The following PRKD1 variants were observed in gnomAD, a reference collection of about 807,000 sequenced individuals.
PRKD1 encodes the protein protein kinase D1.
A neutral mutation model predicts 95.9 loss-of-function variants in PRKD1; 63 were observed. The observed-to-expected ratio is 0.66, with a 90% confidence interval of 0.54 to 0.81. The LOEUF (loss-of-function observed/expected upper bound fraction) is 0.81, where lower values mean the gene tolerates loss of function less well. PRKD1 is among the 30% of genes least tolerant of loss of function. The pLI is 0.00. For synonymous variants in PRKD1, 425 were observed against 423.1 expected (o/e 1.00, Z -0.05); for missense variants, 1,048 against 1,165.3 (o/e 0.90, Z 1.47).
chr14:29,812,826 T>G (rs907459312), intron 1 of PRKD1, among the ~76,000 whole-genome samples: 2 of 152,156 alleles, frequency 1.3e-5, no homozygotes, highest in Non-Finnish European at 2.9e-5. Context: ...ATATCTAATC[T>G]AGCCAGGCAT....
chr14:29,620,324 T>A (rs1310618673), intron 13 of PRKD1, among the ~76,000 whole-genome samples: 2 of 151,480 alleles, frequency 1.3e-5, no homozygotes, highest in Admixed American at 1.3e-4. Context: ...AATTGACAAA[T>A]GGGATATAAT....
At chr14:29,791,009 C>G (rs1057247233) in intron 1 of PRKD1, among the ~76,000 whole-genome samples, 6 of 152,148 alleles carry the variant, frequency 3.9e-5, no homozygotes, top group Non-Finnish European at 7.4e-5. Flanking sequence ...AATCCATGGT[C>G]TGCTATTGTA....
chr14:29,919,176 T>C (rs1272859129), intron 1 of PRKD1, among the ~76,000 whole-genome samples: 1 of 152,212 alleles, frequency 6.6e-6, no homozygotes, highest in Non-Finnish European at 1.5e-5. Flanking sequence ...AAAATTCCTG[T>C]GTGATTGCAT....
intron 1 of PRKD1, among the ~76,000 whole-genome samples, chr14:29,788,873 G>A (rs960676899): frequency 1.3e-5 from 2 of 151,274 alleles, no homozygotes; most frequent in African/African-American, 4.9e-5. Flanking sequence ...GAGTTTCTTT[G>A]TTTTCTTTTA....
intron 1 of PRKD1, among the ~76,000 whole-genome samples, chr14:29,734,167 C>T (rs1277313487): frequency 3.3e-5 from 5 of 150,710 alleles, no homozygotes; most frequent in Non-Finnish European, 5.9e-5. Flanking sequence ...CTCAGCCTCC[C>T]GAGTAGCTGG....
intron 2 of PRKD1, among the ~76,000 whole-genome samples, chr14:29,719,917 G>T (rs528965530): frequency 5.3e-5 from 8 of 152,228 alleles, no homozygotes; most frequent in Middle Eastern, 3.4e-3. Flanking sequence ...AAAGTATTCC[G>T]TGAGAAAGTG....
At chr14:29,851,776 C>T (rs955932855) in intron 1 of PRKD1, among the ~76,000 whole-genome samples, 8 of 150,954 alleles carry the variant, frequency 5.3e-5, no homozygotes, top group South Asian at 2.1e-4. Flanking sequence ...AAGACACATA[C>T]ACTTATATGT....
intron 1 of PRKD1, among the ~76,000 whole-genome samples, chr14:29,869,437 CAAAAAGAAAAAAAA>C (rs1893026414): frequency 2.1e-5 from 3 of 141,744 alleles, no homozygotes; most frequent in African/African-American, 7.8e-5. Flanking sequence ...AACTCCATCT[CAAAAAGAAAAAAAA>C]AAAAAGAAGA....
intron 1 of PRKD1, among the ~76,000 whole-genome samples, chr14:29,863,419 G>A (rs1594585546): frequency 1.3e-5 from 2 of 152,220 alleles, no homozygotes; most frequent in East Asian, 1.9e-4. Flanking sequence ...CCTGGAGATC[G>A]AAATGAGCCA....
chr14:29,718,831 G>C (rs545850293), intron 2 of PRKD1, among the ~76,000 whole-genome samples: 296 of 152,170 alleles, frequency 1.9e-3, no homozygotes, highest in African/African-American at 6.8e-3. Flanking sequence ...AATTAATTCT[G>C]CCTTCTTAAA....
intron 1 of PRKD1, among the ~76,000 whole-genome samples, chr14:29,902,638 C>A (rs1380638605): frequency 2.0e-5 from 3 of 152,162 alleles, no homozygotes; most frequent in African/African-American, 7.2e-5. Flanking sequence ...AATAAACATT[C>A]ATTTAATCAT....
At chr14:29,884,773 C>T (rs1035180220) in intron 1 of PRKD1, among the ~76,000 whole-genome samples, 1 of 152,126 alleles carries the variant, frequency 6.6e-6, no homozygotes, top group African/African-American at 2.4e-5. Flanking sequence ...GAGCAAGCAG[C>T]GAATTCTTCC....
intron 13 of PRKD1, among the ~76,000 whole-genome samples, chr14:29,612,204 C>A (rs186548702): frequency 3.0e-4 from 46 of 152,210 alleles, no homozygotes; most frequent in Admixed American, 2.2e-3. Flanking sequence ...GGTTCTGTGG[C>A]AAAATGAGTT....
At chr14:29,834,482 A>G (rs78888273) in intron 1 of PRKD1, among the ~76,000 whole-genome samples, 3,035 of 152,226 alleles carry the variant, frequency 0.02, 92 homozygotes, top group African/African-American at 0.069. Context: ...ATATATAACT[A>G]AATTCTGGGT....
chr14:29,748,347 T>A (rs1190231746), intron 1 of PRKD1, among the ~76,000 whole-genome samples: 1 of 152,192 alleles, frequency 6.6e-6, no homozygotes, highest in Non-Finnish European at 1.5e-5. Context: ...ATCTGATTGG[T>A]GAAAGTCTTT....
intron 1 of PRKD1, among the ~76,000 whole-genome samples, chr14:29,888,230 G>A (rs72660441): frequency 5.3e-5 from 8 of 151,940 alleles, no homozygotes; most frequent in Non-Finnish European, 1.0e-4. Flanking sequence ...CTTAAGCCCA[G>A]GAGTGATCCT....
At chr14:29,893,642 T>C (rs1405736420) in intron 1 of PRKD1, among the ~76,000 whole-genome samples, 1 of 152,216 alleles carries the variant, frequency 6.6e-6, no homozygotes, top group Non-Finnish European at 1.5e-5. Context: ...AGAAACACCT[T>C]GCTGACATCA....
At chr14:29,690,697 G>A (rs1884180244) in intron 2 of PRKD1, among the ~76,000 whole-genome samples, 1 of 152,138 alleles carries the variant, frequency 6.6e-6, no homozygotes, top group South Asian at 2.1e-4. Context: ...CTGTTGATCT[G>A]TTTAAACTCA....
chr14:29,673,013 C>T (rs959741763), intron 2 of PRKD1, among the ~76,000 whole-genome samples: 1 of 152,128 alleles, frequency 6.6e-6, no homozygotes, highest in Non-Finnish European at 1.5e-5. Context: ...CATGAACCCA[C>T]AGAGCTACAG....
Sources: gnomAD v4.1 joint callset for allele counts (sites outside exome capture counted in the v4.1 genomes callset) on GRCh38, gnomAD v4.1.1 for gene constraint, MANE v1.5 for transcripts, NCBI Gene and HGNC (gene_info 2026-07-23, HGNC 2026-07-21) for gene names.